SORCS2: variants seen among roughly 807,000 people sequenced by gnomAD.
The protein encoded by SORCS2 is VPS10 domain-containing receptor SorCS2.
Under a neutral mutation model 141.6 loss-of-function variants are expected in SORCS2, and 100 were observed. The observed-to-expected ratio is 0.71, with a 90% CI of 0.60 to 0.83. The LOEUF (loss-of-function observed/expected upper bound fraction) is 0.83. SORCS2 is among the 40% of genes least tolerant of loss of function. The pLI is 0.00. For synonymous variants in SORCS2, 789 were observed against 676.9 expected (o/e 1.17, Z -2.57); for missense variants, 1,646 against 1,560.2 (o/e 1.05, Z -0.93).
At chr4:7,202,589 C>T (rs373850665) in intron 1 of SORCS2, among the ~76,000 whole-genome samples, 15 of 152,364 alleles carry the variant, frequency 9.8e-5, no homozygotes, top group East Asian at 5.8e-4. Flanking sequence ...CCTTGACTCA[C>T]ACCGAGCACA....
intron 1 of SORCS2, among the ~76,000 whole-genome samples, chr4:7,359,062 G>A (rs946178417): frequency 1.6e-4 from 24 of 152,212 alleles, no homozygotes; most frequent in Middle Eastern, 3.2e-3. Flanking sequence ...TCGGGAGGCC[G>A]AGGCAGGGGG....
Position 7,523,474 on chromosome 4 carries a change from G to A in SORCS2, c.549-8056G>A, listed in dbSNP as rs1226949866. On this transcript the variant is annotated intron_variant, in intron 2 of 26. Transcript: ENST00000507866. ...GAGGCTTGCGTCCCCACTCTGGCCGGGAGATCTGTGTGGGCTTCAGGAGGG... is the reference window on the plus strand; with the variant it reads ...GAGGCTTGCGTCCCCACTCTGGCCGAGAGATCTGTGTGGGCTTCAGGAGGG... Among the ~76,000 whole-genome samples, 6 of 152,300 alleles carry A rather than the reference G, an allele frequency of 3.9e-5. No homozygotes were observed. The East Asian group carries it at 1.2e-3, about 29-fold the overall frequency.
intron 1 of SORCS2, among the ~76,000 whole-genome samples, chr4:7,218,861 T>C (rs1246994624): frequency 8.5e-5 from 13 of 152,204 alleles, no homozygotes; most frequent in Admixed American, 8.5e-4. Flanking sequence ...ACACTCAAGA[T>C]AAAACCCAAA....
chr4:7,725,358 C>T (rs1727144200), intron 20 of SORCS2, 71 bp downstream of exon 20: 14 of 1,536,080 alleles, frequency 9.1e-6, no homozygotes, highest in Admixed American at 2.0e-5. Flanking sequence ...TGGGGCAGAG[C>T]ATGGCCCCAG....
chr4:7,724,593 GGT>G (rs1726967289), intron 19 of SORCS2, among the ~76,000 whole-genome samples: 1 of 116,048 alleles, frequency 8.6e-6, no homozygotes, highest in South Asian at 3.1e-4. Flanking sequence ...TGGTGGTGTT[GGT>G]GATGGTGGTG....
intron 3 of SORCS2, among the ~76,000 whole-genome samples, chr4:7,544,668 C>T (rs950684331): frequency 1.3e-5 from 2 of 152,246 alleles, no homozygotes; most frequent in Non-Finnish European, 1.5e-5. Context: ...AAACAAGAGA[C>T]AGAGGGAGCT....
intron 3 of SORCS2, among the ~76,000 whole-genome samples, chr4:7,569,672 C>T (rs751802364): frequency 3.9e-5 from 6 of 152,136 alleles, no homozygotes; most frequent in South Asian, 2.1e-4. Flanking sequence ...TTTATCAGGA[C>T]GTGGAATCAT....
chr4:7,239,223 T>C (rs917023242), intron 1 of SORCS2, among the ~76,000 whole-genome samples: 1 of 152,218 alleles, frequency 6.6e-6, no homozygotes, highest in African/African-American at 2.4e-5. Flanking sequence ...GGGGACCTCC[T>C]CCTCACTCAC....
At chr4:7,479,370 A>T (rs1730491169) in intron 2 of SORCS2, among the ~76,000 whole-genome samples, 1 of 152,082 alleles carries the variant, frequency 6.6e-6, no homozygotes, top group African/African-American at 2.4e-5. Context: ...CCAGAGGCCA[A>T]GCTGAGACCA....
At chr4:7,239,195 T>C (rs1027866002) in intron 1 of SORCS2, among the ~76,000 whole-genome samples, 3 of 152,260 alleles carry the variant, frequency 2.0e-5, no homozygotes, top group Non-Finnish European at 4.4e-5. Context: ...GTGCCCAGGA[T>C]GCTGCTATCA....
chr4:7,694,404 C>T (rs937132856), intron 11 of SORCS2, among the ~76,000 whole-genome samples: 28 of 152,132 alleles, frequency 1.8e-4, no homozygotes, highest in African/African-American at 6.8e-4. Context: ...CAACGTGTTC[C>T]GTGAATCGCT....
At chr4:7,661,680 C>T (rs1722183097) in intron 6 of SORCS2, 116 bp downstream of exon 6, 1 of 897,190 alleles carries the variant, frequency 1.1e-6, no homozygotes, top group East Asian at 2.8e-5. Context: ...CACAGCCGGC[C>T]TCACTGTGTC....
rs115601052 is a variant in SORCS2, at chr4:7,729,957, G to A, written c.3108+245G>A. 9.4e-3 allele frequency among the ~76,000 whole-genome samples: 1,432 copies of A among 152,228 alleles called. 20 individuals carry two copies. Among genetic ancestry groups the A allele is most frequent in the African/African-American group, 0.033 (1,351 of 41,524 alleles). ...AGGGCACAGGCTGGACCACCTCCCA[G>A]GGGGCTCGCTCATTTCTTCTCCCGT... On this transcript the variant is annotated intron_variant, in intron 23 of 26. Transcript: ENST00000507866.
chr4:7,638,465 G>A lies in SORCS2; in HGVS notation c.786G>A (p.Lys262=). 1 of 1,610,266 alleles carries A rather than the reference G, an allele frequency of 6.2e-7. No individual in the cohort carries two copies. Among genetic ancestry groups the A allele is most frequent in the Non-Finnish European group, 8.5e-7 (1 of 1,178,502 alleles). ...TTTTCCACCCTAAGGAGGAGGACAA[G>A]GTCCTCGCCTACACAAAGGAGAGCA... The part of the protein sequence containing the change: ...TLIFHPKEED[K]VLAYTKESKL... The change falls in exon 4 of 27, where the codon AAG becomes AAA. Residue 262 remains lysine, a synonymous_variant. Coordinates refer to ENST00000507866, the MANE Select transcript of SORCS2 (RefSeq NM_020777.3).
At chr4:7,672,290 A>C (rs769103121) in intron 8 of SORCS2, among the ~76,000 whole-genome samples, 2 of 152,172 alleles carry the variant, frequency 1.3e-5, no homozygotes, top group Non-Finnish European at 2.9e-5. Flanking sequence ...GCAAGAGAGA[A>C]ATGACTTATT....
At chr4:7,526,160 T>C (rs1733683738) in intron 2 of SORCS2, among the ~76,000 whole-genome samples, 1 of 152,266 alleles carries the variant, frequency 6.6e-6, no homozygotes, top group Non-Finnish European at 1.5e-5. Flanking sequence ...AGATTCCACA[T>C]GGTCACTTGC....
intron 2 of SORCS2, among the ~76,000 whole-genome samples, chr4:7,451,877 T>A (rs910310316): frequency 1.3e-5 from 2 of 152,122 alleles, no homozygotes; most frequent in African/African-American, 4.8e-5. Context: ...GTCTGAACAT[T>A]CCCTGACACC....
chr4:7,605,994 G>A (rs1207826835), intron 3 of SORCS2, among the ~76,000 whole-genome samples: 2 of 152,194 alleles, frequency 1.3e-5, no homozygotes, highest in African/African-American at 2.4e-5. Context: ...GCAGCCACAC[G>A]GGGGAACAGA....
At chr4:7,618,763 T>G (rs1263210121) in intron 3 of SORCS2, among the ~76,000 whole-genome samples, 3 of 152,274 alleles carry the variant, frequency 2.0e-5, no homozygotes, top group South Asian at 4.2e-4. Flanking sequence ...TACCTTGCTT[T>G]ATATTTGCCG....
Sources: gnomAD v4.1 joint callset for allele counts (sites outside exome capture counted in the v4.1 genomes callset) on GRCh38, gnomAD v4.1.1 for gene constraint, MANE v1.5 for transcripts, NCBI Gene and HGNC (gene_info 2026-07-23, HGNC 2026-07-21) for gene names.